The following ANKFN1 variants were observed in gnomAD, a reference collection of about 807,000 sequenced individuals.
The protein encoded by ANKFN1 is ankyrin repeat and fibronectin type-III domain-containing protein 1.
A neutral mutation model predicts 108.7 loss-of-function variants in ANKFN1; 74 were observed. The observed-to-expected ratio is 0.68, with a 90% CI of 0.56 to 0.83. ANKFN1 has a LOEUF of 0.83. Ranked by LOEUF, ANKFN1 falls within the 40% of genes least tolerant of loss-of-function variation. The probability of loss-of-function intolerance (pLI) is 0.00; values close to 1 mark genes in which losing one functional copy is unlikely to be tolerated. For synonymous variants in ANKFN1, 547 were observed against 516.2 expected, an observed-to-expected ratio of 1.06 and a Z score of -0.81; for missense variants, 1,505 against 1,382.3, an observed-to-expected ratio of 1.09 and a Z score of -1.41.
chr17:56,091,101 G>A (rs8076565), intron 4 of ANKFN1, among the ~76,000 whole-genome samples: 19,591 of 150,888 alleles, frequency 0.13, 3,746 homozygotes, highest in African/African-American at 0.39. Flanking sequence ...AGCATAAGAC[G>A]TAGTAGCGCC....
At position 56,402,891 on chromosome 17, in the gene ANKFN1, G is replaced by A. The variant is rs916253684; in HGVS notation, c.910+28177G>A. Among the ~76,000 whole-genome samples the A allele has an allele frequency of 4.6e-5, 7 of 152,096 alleles. No homozygotes were observed. The East Asian group carries it at 5.8e-4, about 13-fold the overall frequency. On this transcript the variant is annotated intron_variant, in intron 8 of 20. Coordinates refer to ENST00000682825, the MANE Select transcript of ANKFN1 (RefSeq NM_001370326.1). ...CGCCTTGCTGTATCCCAGAGGTTTC[G>A]GTAGGTTGTGTCATTATTGTTGTTC... is the stretch of plus-strand genomic sequence containing the variant.
intron 2 of ANKFN1, among the ~76,000 whole-genome samples, chr17:56,226,769 T>C (rs905628725): frequency 6.6e-6 from 1 of 152,168 alleles, no homozygotes; most frequent in African/African-American, 2.4e-5. Context: ...ATAAGTCTGG[T>C]TGGCTAGTTC....
chr17:56,242,750 A>G (rs549636500), intron 3 of ANKFN1, among the ~76,000 whole-genome samples: 296 of 152,180 alleles, frequency 1.9e-3, no homozygotes, highest in African/African-American at 6.8e-3. Context: ...CTCGGACTTT[A>G]GTAAGAATTT....
At chr17:56,377,420 G>C (rs925843529) in intron 8 of ANKFN1, among the ~76,000 whole-genome samples, 1 of 151,702 alleles carries the variant, frequency 6.6e-6, no homozygotes, top group Admixed American at 6.6e-5. Context: ...TCAAACCTAG[G>C]AAACAGTTTT....
chr17:56,399,841 TTTTA>T (rs1341639972), intron 8 of ANKFN1, among the ~76,000 whole-genome samples: 2,150 of 43,972 alleles, frequency 0.049, 52 homozygotes, highest in African/African-American at 0.17. Context: ...GTATTCCATT[TTTTA>T]TATATATATA....
chr17:56,136,998 A>G (rs1907636762), intron 4 of ANKFN1, among the ~76,000 whole-genome samples: 1 of 152,206 alleles, frequency 6.6e-6, no homozygotes, highest in South Asian at 2.1e-4. Context: ...CATACTGCCC[A>G]CAAAGGAAAT....
intron 14 of ANKFN1, among the ~76,000 whole-genome samples, chr17:56,460,259 G>A (rs2049855444): frequency 6.6e-6 from 1 of 152,004 alleles, no homozygotes; most frequent in African/African-American, 2.4e-5. Context: ...TTTCAGACCA[G>A]CTGAGCAACA....
chr17:56,174,207 G>T (rs1910920459), intron 1 of ANKFN1: 1 of 985,490 alleles, frequency 1.0e-6, no homozygotes, highest in Non-Finnish European at 1.2e-6. Context: ...CCAGATGCCT[G>T]CAGGGTTCTC....
chr17:56,211,726 C>T (rs964175687), intron 1 of ANKFN1, among the ~76,000 whole-genome samples: 3 of 152,140 alleles, frequency 2.0e-5, no homozygotes, highest in Non-Finnish European at 2.9e-5. Flanking sequence ...ATTGATTCTA[C>T]CAATCCATGA....
intron 1 of ANKFN1, among the ~76,000 whole-genome samples, chr17:56,204,501 C>A (rs1417703507): frequency 6.7e-6 from 1 of 150,090 alleles, no homozygotes; most frequent in Non-Finnish European, 1.5e-5. Context: ...CTACCACGCC[C>A]AGCTAATTTT....
intron 4 of ANKFN1, among the ~76,000 whole-genome samples, chr17:56,060,958 A>G (rs1029702128): frequency 3.9e-5 from 6 of 152,216 alleles, no homozygotes; most frequent in African/African-American, 1.4e-4. Flanking sequence ...AAAATGAGTT[A>G]GGGAGGAGTC....
chr17:56,179,765 A>G (rs1911513000), intron 1 of ANKFN1, among the ~76,000 whole-genome samples: 1 of 152,218 alleles, frequency 6.6e-6, no homozygotes, highest in South Asian at 2.1e-4. Flanking sequence ...TAAGGAACCA[A>G]TGAAATCATA....
chr17:56,076,282 A>G (rs923506468), intron 4 of ANKFN1, among the ~76,000 whole-genome samples: 3 of 152,236 alleles, frequency 2.0e-5, no homozygotes, highest in Non-Finnish European at 4.4e-5. Context: ...TGCTGCTACT[A>G]TACCAGAGAT....
In ANKFN1 at chr17:56,125,566, A is replaced by G. The variant is rs538616168; in HGVS notation, c.288+79241A>G. ...TTACCATGTTCCAGATACTGGCTAG[A>G]CCATGTGCTCATTTTATCCTCATCA... On this transcript the variant is annotated intron_variant, in intron 4 of 12. Transcript: ENST00000635860. Among the ~76,000 whole-genome samples the G allele has an allele frequency of 2.2e-4, 34 of 152,336 alleles. No individual in the cohort carries two copies. The East Asian group carries it at 6.6e-3, about 29-fold the overall frequency.
At chr17:56,155,036 C>T (rs183782136) in intron 1 of ANKFN1, among the ~76,000 whole-genome samples, 15 of 152,234 alleles carry the variant, frequency 9.9e-5, no homozygotes, top group African/African-American at 3.1e-4. Context: ...GCCTTCATGC[C>T]CCCCTCAACC....
chr17:56,158,100 T>C (rs575756311), intron 1 of ANKFN1, among the ~76,000 whole-genome samples: 44 of 152,284 alleles, frequency 2.9e-4, no homozygotes, highest in African/African-American at 9.4e-4. Flanking sequence ...AATGAACAGA[T>C]GTGCTAATTT....
At chr17:56,331,910 C>A (rs2073217493) in intron 4 of ANKFN1, among the ~76,000 whole-genome samples, 1 of 152,232 alleles carries the variant, frequency 6.6e-6, no homozygotes, top group Admixed American at 6.5e-5. Context: ...GTGGCTGTAA[C>A]TGAAATAGCA....
chr17:56,402,080 T>C (rs1008375521), intron 8 of ANKFN1, among the ~76,000 whole-genome samples: 7 of 152,132 alleles, frequency 4.6e-5, no homozygotes, highest in East Asian at 3.8e-4. Flanking sequence ...TGATATGTCA[T>C]TGGATTCAGT....
intron 3 of ANKFN1, among the ~76,000 whole-genome samples, chr17:56,241,521 T>A (rs1282252217): frequency 6.6e-6 from 1 of 152,124 alleles, no homozygotes; most frequent in East Asian, 1.9e-4. Flanking sequence ...GATCATTGTC[T>A]GACCCAAAGG....
Sources: allele counts gnomAD v4.1 joint callset (sites outside exome capture counted in the v4.1 genomes callset), GRCh38; gene constraint gnomAD v4.1.1; transcripts MANE v1.5; gene names NCBI Gene and HGNC (gene_info 2026-07-23, HGNC 2026-07-21).